The following SLC2A2 variants were observed in gnomAD, a reference collection of about 807,000 sequenced individuals.
SLC2A2 encodes solute carrier family 2, facilitated glucose transporter member 2.
In SLC2A2, 36 loss-of-function variants were observed where a neutral mutation model predicts 54.5. The observed-to-expected ratio is 0.66, with a 90% CI of 0.51 to 0.87. SLC2A2 has a LOEUF of 0.87. SLC2A2 is among the 40% of genes least tolerant of loss of function. The pLI, the probability that SLC2A2 is intolerant of heterozygous loss-of-function variation, is 0.00. For synonymous variants in SLC2A2, 223 were observed against 219.1 expected (o/e 1.02, Z -0.16); for missense variants, 543 against 624.3 (o/e 0.87, Z 1.39).
Position 171,026,687 on chromosome 3 carries a change from C to G in SLC2A2, c.-17G>C. The stretch of plus-strand genomic sequence containing the variant: ...TTCTGTCATTGTACTAGTTGGGAGT[C>G]CTGTCAATTCCAGGTCTTGTGTGAG... On this transcript the variant is annotated 5_prime_UTR_variant, in exon 1 of 11. Coordinates refer to ENST00000314251, the MANE Select transcript of SLC2A2 (RefSeq NM_000340.2). The G allele has an allele frequency of 3.7e-6, 6 of 1,611,946 alleles. No homozygotes were observed. The highest frequency in any genetic ancestry group is 5.1e-6 in the Non-Finnish European group (6 of 1,177,988).
chr3:170,997,741 A>AT lies in SLC2A2; in HGVS notation c.*161_*162insA. 1 of 666,152 alleles carries AT rather than the reference A, an allele frequency of 1.5e-6. No homozygotes were observed. The allele number at this position is 666,152 out of a possible 1,614,324, so 41.3% of individuals were successfully genotyped here. On this transcript the variant is annotated 3_prime_UTR_variant, in exon 11 of 11. Coordinates refer to ENST00000314251, the MANE Select transcript of SLC2A2 (RefSeq NM_000340.2). ...CATCAAAAATATATTCTCTAACTTA[A>AT]AAAAATACTTTTTTGGTAATATTTG... is the stretch of plus-strand genomic sequence containing the variant.
chr3:171,025,344 T>TA (rs1446051592), intron 1 of SLC2A2, among the ~76,000 whole-genome samples: 2 of 115,982 alleles, frequency 1.7e-5, no homozygotes, highest in Admixed American at 8.1e-5. Context: ...AATTTATAAA[T>TA]ACTATTTAAA....
chr3:171,008,996 T>C (rs2108248742), intron 4 of SLC2A2, among the ~76,000 whole-genome samples: 1 of 152,230 alleles, frequency 6.6e-6, no homozygotes, highest in East Asian at 1.9e-4. Flanking sequence ...GGTAAAAGTG[T>C]TAAAAATACT....
chr3:171,001,021 C>T (rs1448306225), intron 8 of SLC2A2, among the ~76,000 whole-genome samples: 1 of 151,964 alleles, frequency 6.6e-6, no homozygotes, highest in Admixed American at 6.6e-5. Context: ...TATGTCACTT[C>T]CCTGTTCAAA....
At chr3:171,018,760 T>C (rs1716278376) in intron 1 of SLC2A2, 137 bp from the exon 2 acceptor site, 5 of 695,312 alleles carry the variant, frequency 7.2e-6, no homozygotes, top group Non-Finnish European at 1.1e-5. Context: ...CAGTATGCCC[T>C]GTGCTCCAGG....
At chr3:170,998,499 A>G (rs1576823391) in intron 9 of SLC2A2, 103 bp from the exon 10 acceptor site, 2 of 860,990 alleles carry the variant, frequency 2.3e-6, no homozygotes, top group East Asian at 2.6e-5. Context: ...AACTTTTTCT[A>G]ATGTATTTTG....
intron 2 of SLC2A2, among the ~76,000 whole-genome samples, chr3:171,014,959 G>A (rs142184222): frequency 1.5e-3 from 224 of 152,246 alleles, no homozygotes; most frequent in Non-Finnish European, 2.5e-3. Context: ...AAGGGAACAT[G>A]TAATACTTTG....
chr3:171,022,524 G>T (rs143513581), intron 1 of SLC2A2, among the ~76,000 whole-genome samples: 1 of 152,128 alleles, frequency 6.6e-6, no homozygotes, highest in Non-Finnish European at 1.5e-5. Flanking sequence ...ATTGCTCATC[G>T]GTAGCTGAGC....
chr3:171,002,907 C>T (rs1011748557), intron 7 of SLC2A2, among the ~76,000 whole-genome samples: 3 of 152,004 alleles, frequency 2.0e-5, no homozygotes, highest in Non-Finnish European at 2.9e-5. Context: ...GAGAACTCTG[C>T]TACTGCATTT....
At position 171,019,129 on chromosome 3, in the gene SLC2A2, GTA is replaced by G. The variant is rs200539659; in HGVS notation, c.16-508_16-507del. On this transcript the variant is annotated intron_variant, in intron 1 of 10. Coordinates refer to ENST00000314251, the MANE Select transcript of SLC2A2 (RefSeq NM_000340.2). ...TATATATATATATATATATACGTAT[GTA>G]TATATATATATATATATATATATAC... is the stretch of plus-strand genomic sequence containing the variant. Among the ~76,000 whole-genome samples, 17 of 25,038 alleles carry G rather than the reference GTA, an allele frequency of 6.8e-4. No individual in the cohort carries two copies. In the East Asian group the frequency reaches 0.01, roughly 15 times the overall value. The allele number at this position is 25,038 out of a possible 152,430, so 16.4% of individuals were successfully genotyped here.
chr3:170,996,366 GT>G lies in SLC2A2; in HGVS notation c.*1536del, dbSNP rs1315496727. The G allele has an allele frequency of 2.7e-6, 1 of 366,248 alleles. No homozygotes were observed. Among genetic ancestry groups the G allele is most frequent in the African/African-American group, 2.1e-5 (1 of 47,962 alleles). 22.7% of individuals were successfully genotyped at this position (366,248 alleles called of 1,614,324 possible). A position where few individuals can be genotyped will look rare whatever the true frequency, so the allele number is the denominator to read the frequency against. ...TCACACTGAAAAGAAACAATTTCTT[GT>G]TCTTTGGACTGCTAAATTACATATA... On this transcript the variant is annotated 3_prime_UTR_variant, in exon 11 of 11. Coordinates refer to ENST00000314251, the MANE Select transcript of SLC2A2 (RefSeq NM_000340.2).
Position 171,007,131 on chromosome 3 carries a change from G to A in SLC2A2, c.612+17C>T. The A allele has an allele frequency of 1.4e-6, 2 of 1,434,318 alleles. No individual in the cohort carries two copies. The highest frequency in any genetic ancestry group is 2.0e-6 in the Non-Finnish European group (2 of 1,017,314). 88.8% of individuals were successfully genotyped at this position (1,434,318 alleles called of 1,614,324 possible). A position where few individuals can be genotyped will look rare whatever the true frequency, so the allele number is the denominator to read the frequency against. On this transcript the variant is annotated intron_variant, in intron 5 of 10. Coordinates refer to ENST00000314251, the MANE Select transcript of SLC2A2 (RefSeq NM_000340.2). ...AGTAGATGGGTGCAGTAGGGGATAA[G>A]GATGGGGAGTTTTTACCTGACTAAT...
rs766191732 is a variant in SLC2A2 at position 170,998,388 on chromosome 3, G to T, written c.1179C>A (p.Phe393Leu). 6.2e-7 allele frequency: 1 copy of T among 1,613,368 alleles called. No homozygotes were observed. The highest frequency in any genetic ancestry group is 1.1e-5 in the South Asian group (1 of 91,056). ...TCATGCTCACATAACTCATCCAAGA[G>T]AACTTATTCTGAGGAAAAAAACAAA... Reference protein sequence around the residue: ...MSVGLVLLNKFSWMSYVSMIA... With the variant: ...MSVGLVLLNKLSWMSYVSMIA... Residue 393 changes from phenylalanine to leucine, a missense_variant, in exon 10 of 11, where the codon TTC (phenylalanine) becomes TTA (leucine). Phe to Leu is a conservative substitution (Grantham distance 22). Around this residue, in one of 3 missense-constraint regions of SLC2A2, gnomAD observed 117 missense variants for 179.2 expected, o/e 0.65. Coordinates refer to ENST00000314251, the MANE Select transcript of SLC2A2 (RefSeq NM_000340.2).
chr3:171,002,315 A>G (rs922927282), intron 8 of SLC2A2, among the ~76,000 whole-genome samples: 4 of 152,016 alleles, frequency 2.6e-5, no homozygotes, highest in East Asian at 1.9e-4. Flanking sequence ...TGTGTCCCCA[A>G]GTGAGTTAAA....
In SLC2A2 at chr3:170,996,364, T is replaced by A. The variant is rs1715072057; in HGVS notation, c.*1539A>T. ...AATCACACTGAAAAGAAACAATTTC[T>A]TGTTCTTTGGACTGCTAAATTACAT... On this transcript the variant is annotated 3_prime_UTR_variant, in exon 11 of 11. Coordinates refer to ENST00000314251, the MANE Select transcript of SLC2A2 (RefSeq NM_000340.2). The A allele has an allele frequency of 8.2e-6, 3 of 364,974 alleles. No individual in the cohort carries two copies. The East Asian group carries it at 1.2e-4, about 14-fold the overall frequency. The allele number at this position is 364,974 out of a possible 1,614,324, so 22.6% of individuals were successfully genotyped here.
rs2108230959 is a variant in SLC2A2 at position 170,996,962 on chromosome 3, A to T, written c.*941T>A. 2 of 267,126 alleles carry T rather than the reference A, an allele frequency of 7.5e-6. No individual in the cohort carries two copies. Among genetic ancestry groups the T allele is most frequent in the Non-Finnish European group, 1.4e-5 (2 of 143,684 alleles). 16.5% of individuals were successfully genotyped at this position (267,126 alleles called of 1,614,324 possible). Reference sequence around the variant, plus strand: ...TTCAGAAAATATTTTTAACAAAGTGATCAATCCTTTACTTCAAATTTTCTT... The same window carrying T: ...TTCAGAAAATATTTTTAACAAAGTGTTCAATCCTTTACTTCAAATTTTCTT... On this transcript the variant is annotated 3_prime_UTR_variant, in exon 11 of 11. Transcript: ENST00000314251.
chr3:171,014,843 T>C, intron 2 of SLC2A2, 112 bp from the exon 3 acceptor site: 3 of 813,478 alleles, frequency 3.7e-6, no homozygotes, highest in Non-Finnish European at 6.1e-6. Context: ...TTATGTGTTT[T>C]ATATACATAT....
intron 4 of SLC2A2, among the ~76,000 whole-genome samples, chr3:171,009,658 C>T (rs1715781867): frequency 6.6e-6 from 1 of 151,978 alleles, no homozygotes; most frequent in Admixed American, 6.6e-5. Flanking sequence ...TATTATTATC[C>T]ACTTCATTTA....
At chr3:171,019,120 T>TATAC (rs1430645146) in intron 1 of SLC2A2, among the ~76,000 whole-genome samples, 2 of 6,158 alleles carry the variant, frequency 3.2e-4, no homozygotes, top group East Asian at 6.0e-3. Context: ...TATATATATA[T>TATAC]ATACGTATGT....
Sources: allele counts gnomAD v4.1 joint callset (sites outside exome capture counted in the v4.1 genomes callset), GRCh38; gene constraint gnomAD v4.1.1; regional missense constraint gnomAD v4.1.1; transcripts MANE v1.5; gene names NCBI Gene and HGNC (gene_info 2026-07-23, HGNC 2026-07-21).